Variants in LMF1 observed in about 807,000 individuals in gnomAD.
The protein encoded by LMF1 is lipase maturation factor 1.
Under a neutral mutation model 60.6 loss-of-function variants are expected in LMF1, and 68 were observed. The ratio of observed to expected loss-of-function variants is 1.12; its 90% CI spans 0.92 to 1.37. The LOEUF (loss-of-function observed/expected upper bound fraction) is 1.37. Among genes scored for constraint, LMF1 ranks in the 40% most tolerant of loss-of-function variants. The probability of loss-of-function intolerance (pLI) is 0.00; values close to 1 mark genes in which losing one functional copy is unlikely to be tolerated. For synonymous variants in LMF1, 418 were observed against 324.7 expected (o/e 1.29, Z -3.09); for missense variants, 948 against 767.2 (o/e 1.24, Z -2.78).
At chr16:862,070 C>T (rs2069482130) in intron 10 of LMF1, among the ~76,000 whole-genome samples, 1 of 152,172 alleles carries the variant, frequency 6.6e-6, no homozygotes, top group South Asian at 2.1e-4. Flanking sequence ...ACGTGTGGAT[C>T]TCATCGACTG....
chr16:890,992 C>T (rs370073109), intron 5 of LMF1, among the ~76,000 whole-genome samples: 1 of 152,242 alleles, frequency 6.6e-6, no homozygotes, highest in Non-Finnish European at 1.5e-5. Context: ...CTGGTGTTGA[C>T]GGCTGACACA....
At position 869,917 on chromosome 16, in the gene LMF1, C is replaced by T. The variant is rs557053661; in HGVS notation, c.1382G>A (p.Arg461His). 4.0e-5 allele frequency: 65 copies of T among 1,613,118 alleles called. No homozygotes were observed. Among genetic ancestry groups the T allele is most frequent in the East Asian group, 6.7e-5 (3 of 44,872 alleles). Residue 461 changes from arginine to histidine, a missense_variant, in exon 9 of 11, where the codon CGC (arginine) becomes CAC (histidine). Transcript: ENST00000262301. ...CGCGAACCACATCAGCCAGTCCAGGCGGTAGTGGTACGGGGAGATGAGGCA... is the reference window on the plus strand; with the variant it reads ...CGCGAACCACATCAGCCAGTCCAGGTGGTAGTGGTACGGGGAGATGAGGCA... ...RPCLISPYHYRLDWLMWFAAF... is the reference protein window; with the variant it reads ...RPCLISPYHYHLDWLMWFAAF...
chr16:941,900 C>T (rs915181066), intron 2 of LMF1, among the ~76,000 whole-genome samples: 1 of 152,170 alleles, frequency 6.6e-6, no homozygotes, highest in Non-Finnish European at 1.5e-5. Context: ...TACAGTATTA[C>T]AGTTTTTGCC....
chr16:971,030 G>T (rs756032672), upstream of LMF1: 25 of 1,366,064 alleles, frequency 1.8e-5, no homozygotes, highest in Non-Finnish European at 2.4e-5. Context: ...CGGAGGCCCC[G>T]CCCATTCTCG....
intron 4 of LMF1, chr16:899,028 A>C (rs1375597379): frequency 6.6e-6 from 1 of 152,206 alleles, no homozygotes; most frequent in Non-Finnish European, 1.5e-5. Flanking sequence ...GCAGAGTTTT[A>C]TTTTGCACCC....
At chr16:860,371 G>A (rs1348718480) in intron 10 of LMF1, among the ~76,000 whole-genome samples, 1 of 148,032 alleles carries the variant, frequency 6.8e-6, no homozygotes, top group Non-Finnish European at 1.5e-5. Flanking sequence ...ATGGGCTCTC[G>A]CTCTGTTGCC....
chr16:888,972 G>A (rs897359843), intron 5 of LMF1, among the ~76,000 whole-genome samples: 5 of 152,184 alleles, frequency 3.3e-5, no homozygotes, highest in Middle Eastern at 3.2e-3. Context: ...TCCTCACAAC[G>A]GTGCTGAGGA....
chr16:970,941 A>G lies in LMF1; in HGVS notation c.40T>C (p.Ser14Pro), dbSNP rs765733159. Residue 14 changes from serine to proline, a missense_variant, in exon 1 of 11, where the codon TCG (serine) becomes CCG (proline). Physicochemically the swap from Ser to Pro is moderately conservative, Grantham distance 74 (BLOSUM62 -1). Transcript: ENST00000262301. The stretch of plus-strand genomic sequence containing the variant: ...TACCCAGTCTTCCGCCTCCTCAGCG[A>G]CTCCGCGGGCGCCGCCATTGTTGGG... ...DSPTMAAPAE[S>P]LRRRKTGYSD... The G allele has an allele frequency of 5.8e-6, 9 of 1,542,844 alleles. No homozygotes were observed. In the South Asian group the frequency reaches 1.1e-4, roughly 18 times the overall value.
In LMF1 at chr16:910,893, G is replaced by A. The variant is rs768647902; in HGVS notation, c.663+38C>T. On this transcript the variant is annotated intron_variant, in intron 4 of 10. Transcript: ENST00000262301. ...AGCCTCACAGGTTAGAAGAGCCACCGTTATTCCCCAAACACCACGCAGAAG... is the reference window on the plus strand; with the variant it reads ...AGCCTCACAGGTTAGAAGAGCCACCATTATTCCCCAAACACCACGCAGAAG... 1.1e-5 allele frequency: 18 copies of A among 1,609,658 alleles called. No homozygotes were observed. The Admixed American group carries it at 1.3e-4, about 12-fold the overall frequency.
At chr16:911,565 G>T (rs1251635273) in intron 3 of LMF1, among the ~76,000 whole-genome samples, 44 of 59,552 alleles carry the variant, frequency 7.4e-4, no homozygotes, top group Non-Finnish European at 1.0e-3. Flanking sequence ...CAGCACTTGG[G>T]GGAGGCAGCA....
chr16:884,097 G>T (rs1459283641), intron 5 of LMF1: 2 of 152,190 alleles, frequency 1.3e-5, no homozygotes, highest in African/African-American at 4.8e-5. Context: ...GATAAACACT[G>T]TGAAATGGCC....
rs371849116 is a variant in LMF1 at position 953,295 on chromosome 16, A to C, written c.503+1062T>G. 6.0e-4 allele frequency among the ~76,000 whole-genome samples: 17 copies of C among 28,424 alleles called. 1 individual carries two copies. Among genetic ancestry groups the C allele is most frequent in the Middle Eastern group, 0.02 (1 of 50 alleles). 18.6% of individuals were successfully genotyped at this position (28,424 alleles called of 152,430 possible). ...CCTACACGTCCACACAGACACCCCA[A>C]ACCAGCCTCCTACACGTCCACACAG... On this transcript the variant is annotated intron_variant, in intron 2 of 10. Coordinates refer to ENST00000262301, the MANE Select transcript of LMF1 (RefSeq NM_022773.4).
intron 5 of LMF1, among the ~76,000 whole-genome samples, chr16:888,460 C>T (rs1404644805): frequency 5.3e-5 from 8 of 152,182 alleles, no homozygotes; most frequent in Non-Finnish European, 1.2e-4. Flanking sequence ...GGAGTCCTCA[C>T]TCCATCCTTC....
chr16:921,899 G>C (rs1453236745), intron 3 of LMF1, among the ~76,000 whole-genome samples: 1 of 152,172 alleles, frequency 6.6e-6, no homozygotes, highest in Admixed American at 6.5e-5. Flanking sequence ...TGACTACATA[G>C]AAAATTTAAA....
chr16:869,376 G>A, intron 9 of LMF1: 1 of 604,982 alleles, frequency 1.7e-6, no homozygotes, highest in African/African-American at 1.8e-5. Context: ...GGACCGGGAG[G>A]ACAGAAACAG....
intron 3 of LMF1, among the ~76,000 whole-genome samples, chr16:918,797 A>ACACCCCGACTCTCACGCGGGGCCGG (rs1567237437): frequency 2.8e-5 from 2 of 71,648 alleles, no homozygotes; most frequent in African/African-American, 2.1e-4. Context: ...CGCGGGGCCG[A>ACACCCCGACTCTCACGCGGGGCCGG]CGTCCCGGGG....
chr16:891,508 G>A (rs1329880924), intron 5 of LMF1, among the ~76,000 whole-genome samples: 5 of 152,240 alleles, frequency 3.3e-5, no homozygotes, highest in Non-Finnish European at 7.3e-5. Flanking sequence ...CTGCACCACT[G>A]CTGTCGCCAC....
chr16:895,559 G>A (rs1019469621), intron 4 of LMF1, among the ~76,000 whole-genome samples: 3 of 152,204 alleles, frequency 2.0e-5, no homozygotes, highest in Admixed American at 1.3e-4. Flanking sequence ...TGTGCAGGAC[G>A]ACCTGGGCAG....
chr16:889,156 C>T (rs558504431), intron 5 of LMF1, among the ~76,000 whole-genome samples: 12 of 152,326 alleles, frequency 7.9e-5, no homozygotes, highest in Admixed American at 4.6e-4. Flanking sequence ...GGGAACACGA[C>T]GTGAGGAAAG....
Sources: gnomAD v4.1 joint callset for allele counts (sites outside exome capture counted in the v4.1 genomes callset) on GRCh38, gnomAD v4.1.1 for gene constraint, MANE v1.5 for transcripts, NCBI Gene and HGNC (gene_info 2026-07-23, HGNC 2026-07-21) for gene names.